The following ZNF839 variants were observed in gnomAD, a reference collection of about 807,000 sequenced individuals.
The protein encoded by ZNF839 is renal carcinoma antigen NY-REN-50.
ZNF839 carries 38 observed loss-of-function variants against 56.4 expected under a neutral mutation model. That is an observed-to-expected ratio of 0.67 (90% confidence interval 0.52 to 0.88). The LOEUF (loss-of-function observed/expected upper bound fraction) is 0.88. Ranked by LOEUF, ZNF839 falls within the 40% of genes least tolerant of loss-of-function variation. The pLI, the probability that ZNF839 is intolerant of heterozygous loss-of-function variation, is 0.00. For missense variants in ZNF839, 1,091 were observed against 1,177.6 expected (o/e 0.93, Z 1.08); for synonymous variants, 486 against 493.5 (o/e 0.98, Z 0.20).
At chr14:102,322,628 G>A (rs902377113) in intron 1 of ZNF839, among the ~76,000 whole-genome samples, 12 of 152,172 alleles carry the variant, frequency 7.9e-5, no homozygotes, top group African/African-American at 2.7e-4. Flanking sequence ...AGGCTGGACT[G>A]ATCTCGGCTC....
In ZNF839 at chr14:102,326,968, T is replaced by G; in HGVS notation, c.1191+81T>G. 2.1e-6 allele frequency: 3 copies of G among 1,406,352 alleles called. No homozygotes were observed. The South Asian group carries it at 4.4e-5, about 21-fold the overall frequency. 87.1% of individuals were successfully genotyped at this position (1,406,352 alleles called of 1,614,324 possible). A position where few individuals can be genotyped will look rare whatever the true frequency, so the allele number is the denominator to read the frequency against. On this transcript the variant is annotated intron_variant, in intron 2 of 7. Coordinates refer to ENST00000442396, the MANE Select transcript of ZNF839 (RefSeq NM_018335.6). This position sits in a 1 kb window ranked among gnomAD's most constrained non-coding sequence, Gnocchi z 4.3. ...AAAGAAATACCTGAGACCAGGTATT[T>G]TATAAAGAAAAGAGGGTTGGCTCAC...
chr14:102,341,868 C>T lies in ZNF839; in HGVS notation c.2473C>T (p.Pro825Ser), dbSNP rs374364651. 12 of 1,613,918 alleles carry T rather than the reference C, an allele frequency of 7.4e-6. No homozygotes were observed. The highest frequency in any genetic ancestry group is 8.5e-6 in the Non-Finnish European group (10 of 1,179,912). Residue 825 changes from proline (P) to serine (S), a missense_variant, in exon 8 of 8, where the codon CCT (proline) becomes TCT (serine). Around this residue, in one of 3 missense-constraint regions of ZNF839, gnomAD observed 431 missense variants for 468.0 expected, o/e 0.92. Transcript: ENST00000442396. ...GACTGTGCCCAAGCCAGGGCCTCAG[C>T]CTGGCCCACATGGATCACTATTGAC... is the stretch of plus-strand genomic sequence containing the variant. ...YRTVPKPGPQ[P>S]GPHGSLLTEG...
At chr14:102,321,420 G>A (rs547781317) in intron 1 of ZNF839, among the ~76,000 whole-genome samples, 8 of 152,246 alleles carry the variant, frequency 5.3e-5, no homozygotes, top group African/African-American at 1.7e-4. Flanking sequence ...TTTTGGGTTT[G>A]GAATCCAAAA....
chr14:102,327,940 T>A (rs1804062752), intron 2 of ZNF839, among the ~76,000 whole-genome samples: 1 of 152,008 alleles, frequency 6.6e-6, no homozygotes, highest in African/African-American at 2.4e-5. Flanking sequence ...GCTTCTGGAG[T>A]GTCAACAGCT....
chr14:102,336,698 A>G (rs1426566419), intron 5 of ZNF839: 5 of 406,480 alleles, frequency 1.2e-5, no homozygotes, highest in South Asian at 3.6e-5. Flanking sequence ...CCACTCACTG[A>G]TGATCAGAGT....
rs760707457 is a variant in ZNF839 at position 102,341,683 on chromosome 14, G to C, written c.2288G>C (p.Gly763Ala). The C allele has an allele frequency of 1.2e-6, 2 of 1,613,846 alleles. No homozygotes were observed. Among genetic ancestry groups the C allele is most frequent in the Non-Finnish European group, 1.7e-6 (2 of 1,179,896 alleles). ...GGAGCAGAGTCCCTGCCGCCTGGGG[G>C]GCCTGGACATGCAGAGGCAGGACAC... ...GGGAESLPPG[G>A]PGHAEAGHLG... Residue 763 changes from glycine (G) to alanine (A), a missense_variant, in exon 8 of 8, where the codon GGG (glycine) becomes GCG (alanine). Gly to Ala is a moderately conservative substitution (Grantham distance 60). This residue lies in a region of ZNF839 where 431 missense variants were observed against 468.0 expected (regional missense o/e 0.92). Coordinates refer to ENST00000442396, the MANE Select transcript of ZNF839 (RefSeq NM_018335.6).
chr14:102,338,678 T>C (rs1325728806), intron 5 of ZNF839, 138 bp from the exon 6 acceptor site: 2 of 1,140,328 alleles, frequency 1.8e-6, no homozygotes, highest in East Asian at 4.9e-5. Context: ...TTTCTCATTG[T>C]TGAGATGGCA....
At chr14:102,320,998 C>T (rs765962191) in intron 1 of ZNF839, among the ~76,000 whole-genome samples, 1 of 152,338 alleles carries the variant, frequency 6.6e-6, no homozygotes, top group African/African-American at 2.4e-5. Flanking sequence ...AATCAGGAAC[C>T]TTCACTCGTT....
intron 7 of ZNF839, among the ~76,000 whole-genome samples, chr14:102,340,274 CTTT>C (rs34818560): frequency 1.2e-4 from 16 of 128,476 alleles, no homozygotes; most frequent in Admixed American, 2.4e-4. Context: ...CTACGCCAGC[CTTT>C]TTTTTTTTTT....
At chr14:102,324,400 A>G (rs2073295576) in intron 1 of ZNF839, among the ~76,000 whole-genome samples, 1 of 152,090 alleles carries the variant, frequency 6.6e-6, no homozygotes. Flanking sequence ...AAAATTAGCC[A>G]GGTGTGGTGG....
chr14:102,322,825 A>C (rs1279684863), intron 1 of ZNF839, among the ~76,000 whole-genome samples: 1 of 152,208 alleles, frequency 6.6e-6, no homozygotes, highest in African/African-American at 2.4e-5. Flanking sequence ...TCAGCATCCC[A>C]AAGCACTGCG....
chr14:102,331,686 GA>G lies in ZNF839; in HGVS notation c.1257del (p.Ser420GlnfsTer75). The G allele has an allele frequency of 6.2e-7, 1 of 1,612,026 alleles. No homozygotes were observed. The highest frequency in any genetic ancestry group is 8.5e-7 in the Non-Finnish European group (1 of 1,179,034). On this transcript the variant is annotated frameshift_variant, in exon 3 of 8. Transcript: ENST00000442396. LOFTEE classifies it high-confidence loss of function. Reference sequence around the variant, plus strand: ...GAACCAGAAAATGGAGCTCTTTTGCGATCAGAGAGATACCAAGGACCTAGAA... The same window carrying G: ...GAACCAGAAAATGGAGCTCTTTTGCGTCAGAGAGATACCAAGGACCTAGAA... Reference protein sequence around the residue: ...PSEPENGALLRSERYQGPRRR... With the variant: ...PSEPENGALLXSERYQGPRRR...
chr14:102,320,276 TGTGCCTGGAACGCCCTC>T (rs1414194436), intron 1 of ZNF839, among the ~76,000 whole-genome samples: 3 of 152,224 alleles, frequency 2.0e-5, no homozygotes, highest in African/African-American at 7.2e-5. Context: ...CGCTGGGCCC[TGTGCCTGGAACGCCCTC>T]GTGCCTTCTC....
chr14:102,323,958 T>G (rs2073268546), intron 1 of ZNF839, among the ~76,000 whole-genome samples: 1 of 152,212 alleles, frequency 6.6e-6, no homozygotes, highest in Non-Finnish European at 1.5e-5. Flanking sequence ...CCTTTCAAGT[T>G]GCAGGAGATG....
intron 2 of ZNF839, among the ~76,000 whole-genome samples, chr14:102,328,394 AT>A (rs1567288757): frequency 0.012 from 1,266 of 105,774 alleles, 105 homozygotes; most frequent in Admixed American, 0.057. Context: ...ATATATATAT[AT>A]ATATATATAT....
At chr14:102,318,301 G>C (rs1275844392), upstream of ZNF839, among the ~76,000 whole-genome samples, 2 of 152,192 alleles carry the variant, frequency 1.3e-5, no homozygotes, top group Non-Finnish European at 2.9e-5. Flanking sequence ...AATATGCCAC[G>C]GTGGCATGAA....
At chr14:102,334,944 GAT>G (rs1483857385) in intron 4 of ZNF839, 1 of 160,528 alleles carries the variant, frequency 6.2e-6, no homozygotes, top group African/African-American at 2.4e-5. Context: ...TTTTTGTAGA[GAT>G]GGGATCTAGC....
chr14:102,326,631 G>T lies in ZNF839; in HGVS notation c.935G>T (p.Ser312Ile). The change falls in exon 2 of 8, where the codon AGC becomes ATC. Residue 312 changes from serine (S) to isoleucine (I), a missense_variant. By Grantham distance (142) the Ser-to-Ile change is moderately radical. Transcript: ENST00000442396. This position sits in a 1 kb window ranked among gnomAD's most constrained non-coding sequence, Gnocchi z 4.3. ...DLSSCSLRPK[S>I]FKCQTCEKSY... ...TCGAGCTGCTCCCTGAGGCCCAAAA[G>T]CTTTAAGTGTCAGACTTGTGAAAAG... 1 of 1,613,520 alleles carries T rather than the reference G, an allele frequency of 6.2e-7. No individual in the cohort carries two copies. The highest frequency in any genetic ancestry group is 8.5e-7 in the Non-Finnish European group (1 of 1,179,740).
At chr14:102,320,603 G>C (rs1292980979) in intron 1 of ZNF839, among the ~76,000 whole-genome samples, 1 of 152,162 alleles carries the variant, frequency 6.6e-6, no homozygotes, top group Non-Finnish European at 1.5e-5. Context: ...CCCAGGCTTG[G>C]AACAAAGTCA....
Sources: gnomAD v4.1 joint callset for allele counts (sites outside exome capture counted in the v4.1 genomes callset) on GRCh38, gnomAD v4.1.1 for gene constraint, gnomAD v4.1.1 regional missense constraint, Gnocchi (gnomAD v3.1) non-coding constraint, MANE v1.5 for transcripts, NCBI Gene and HGNC (gene_info 2026-07-23, HGNC 2026-07-21) for gene names.